Variants in RALYL observed in about 807,000 individuals in gnomAD.
The protein encoded by RALYL is RALY RNA binding protein like, also known as RNA-binding Raly-like protein.
In RALYL, 29 loss-of-function variants were observed where a neutral mutation model predicts 35.1. That is an observed-to-expected ratio of 0.83 (90% CI 0.61 to 1.13). The LOEUF is 1.13. RALYL is among the 50% of genes most tolerant of loss of function. The pLI is 0.00. For missense variants in RALYL, 359 were observed against 360.4 expected (o/e 1.00, Z 0.03); for synonymous variants, 120 against 127.6 (o/e 0.94, Z 0.40).
intron 8 of RALYL, among the ~76,000 whole-genome samples, chr8:84,906,587 T>C (rs2135622671): frequency 6.6e-6 from 1 of 152,230 alleles, no homozygotes; most frequent in East Asian, 1.9e-4. Flanking sequence ...CCCCAACTTT[T>C]TTCATACCTC....
intron 2 of RALYL, among the ~76,000 whole-genome samples, chr8:84,600,112 A>G (rs906522068): frequency 5.3e-5 from 8 of 151,944 alleles, no homozygotes; most frequent in African/African-American, 1.9e-4. Context: ...GACTTATTTC[A>G]TCCCAAAACT....
At chr8:84,893,519 G>A (rs944452347) in intron 8 of RALYL, among the ~76,000 whole-genome samples, 1 of 152,136 alleles carries the variant, frequency 6.6e-6, no homozygotes, top group African/African-American at 2.4e-5. Flanking sequence ...AAAAGCAAAT[G>A]AGCTCTCCTC....
rs551198397 is a variant in RALYL, at chr8:84,842,094, A to C, written c.366-7886A>C. ...AGAGCAAACACATTCAAAAGCTAGC[A>C]AAAGGCAAGAAATAACTAAGATCAG... On this transcript the variant is annotated intron_variant, in intron 4 of 8. Transcript: ENST00000521268. Among the ~76,000 whole-genome samples the C allele has an allele frequency of 3.5e-3, 533 of 152,348 alleles. 6 individuals are homozygous for C. Among genetic ancestry groups the C allele is most frequent in the African/African-American group, 0.012 (515 of 41,586 alleles).
intron 2 of RALYL, among the ~76,000 whole-genome samples, chr8:84,689,588 T>C (rs924307553): frequency 2.0e-5 from 3 of 152,136 alleles, no homozygotes; most frequent in Non-Finnish European, 4.4e-5. Context: ...TTTGGGTATA[T>C]ACCCAGTAAT....
intron 2 of RALYL, among the ~76,000 whole-genome samples, chr8:84,681,850 G>A (rs1032652924): frequency 2.0e-5 from 3 of 152,122 alleles, no homozygotes; most frequent in African/African-American, 4.8e-5. Flanking sequence ...CCGCCTGATT[G>A]CCCTGGCCAG....
At chr8:84,426,908 T>C (rs1425289241) in intron 1 of RALYL, among the ~76,000 whole-genome samples, 1 of 151,988 alleles carries the variant, frequency 6.6e-6, no homozygotes, top group Non-Finnish European at 1.5e-5. Flanking sequence ...GGTTTCTAAA[T>C]AAATTAAAAA....
chr8:84,529,223 A>AATT, intron 1 of RALYL, 76 bp from the exon 2 acceptor site: 1 of 1,467,500 alleles, frequency 6.8e-7, no homozygotes, highest in Non-Finnish European at 9.1e-7. Flanking sequence ...AAACTGTTAA[A>AATT]AAGCCACTGA....
At chr8:84,792,877 C>T (rs868077124) in intron 3 of RALYL, among the ~76,000 whole-genome samples, 23 of 152,204 alleles carry the variant, frequency 1.5e-4, no homozygotes, top group African/African-American at 5.3e-4. Flanking sequence ...TCTGCCACAT[C>T]ACATTCTTTG....
In RALYL at chr8:84,816,032, CAAAAAAAAAAAAA is replaced by C. The variant is rs5892931; in HGVS notation, c.365+11238_365+11250del. Among the ~76,000 whole-genome samples the C allele has an allele frequency of 7.1e-5, 6 of 84,198 alleles. No homozygotes were observed. In the East Asian group the frequency reaches 1.7e-3, roughly 24 times the overall value. The allele number at this position is 84,198 out of a possible 152,430, so 55.2% of individuals were successfully genotyped here. On this transcript the variant is annotated intron_variant, in intron 4 of 8. Transcript: ENST00000521268. The stretch of plus-strand genomic sequence containing the variant: ...CTGGCAACAGAGAGAGACTCTGTCT[CAAAAAAAAAAAAA>C]AAAAAAAGAAAAAAAGAAAAGAAAG...
At chr8:84,428,106 T>TCTCTCTCA (rs1182382963) in intron 1 of RALYL, among the ~76,000 whole-genome samples, 137 of 127,334 alleles carry the variant, frequency 1.1e-3, no homozygotes, top group Non-Finnish European at 2.0e-3. Context: ...TCTCTCTCTC[T>TCTCTCTCA]CACACACACA....
At chr8:84,613,726 A>G (rs1400784414) in intron 2 of RALYL, among the ~76,000 whole-genome samples, 2 of 151,452 alleles carry the variant, frequency 1.3e-5, no homozygotes, top group Non-Finnish European at 2.9e-5. Flanking sequence ...AAAAATTGTA[A>G]TGCCCAACAA....
chr8:84,291,057 A>C (rs953432419), intron 1 of RALYL, among the ~76,000 whole-genome samples: 29 of 152,212 alleles, frequency 1.9e-4, no homozygotes, highest in South Asian at 6.2e-4. Context: ...ATACTGTTGA[A>C]ATACTGAAAT....
intron 1 of RALYL, among the ~76,000 whole-genome samples, chr8:84,238,970 C>T (rs1161374612): frequency 6.6e-6 from 1 of 152,114 alleles, no homozygotes; most frequent in African/African-American, 2.4e-5. Flanking sequence ...CTACTGTGGA[C>T]CATGGGGCTT....
chr8:84,442,556 G>A (rs991613545), intron 1 of RALYL, among the ~76,000 whole-genome samples: 1 of 152,066 alleles, frequency 6.6e-6, no homozygotes, highest in Non-Finnish European at 1.5e-5. Context: ...TCAAAGATGG[G>A]ATAGTTTCCA....
chr8:84,910,914 A>G (rs886613481), intron 8 of RALYL, among the ~76,000 whole-genome samples: 1 of 152,042 alleles, frequency 6.6e-6, no homozygotes, highest in Non-Finnish European at 1.5e-5. Flanking sequence ...AATGATTTCA[A>G]AATTTAAGAT....
intron 2 of RALYL, among the ~76,000 whole-genome samples, chr8:84,687,181 C>T (rs933323550): frequency 3.3e-5 from 5 of 152,028 alleles, no homozygotes; most frequent in Non-Finnish European, 7.4e-5. Flanking sequence ...TATTCTATTT[C>T]AAATTAACAA....
chr8:84,444,546 A>G (rs2048669068), intron 1 of RALYL, among the ~76,000 whole-genome samples: 1 of 152,072 alleles, frequency 6.6e-6, no homozygotes, highest in Non-Finnish European at 1.5e-5. Context: ...TATGCACGCT[A>G]GATACATCAT....
At chr8:84,330,913 A>G (rs1846687338) in intron 1 of RALYL, among the ~76,000 whole-genome samples, 1 of 152,074 alleles carries the variant, frequency 6.6e-6, no homozygotes, top group African/African-American at 2.4e-5. Context: ...CATTATGTTC[A>G]TTTGCACACA....
At chr8:84,377,405 T>C (rs1278209928) in intron 1 of RALYL, among the ~76,000 whole-genome samples, 2 of 150,740 alleles carry the variant, frequency 1.3e-5, no homozygotes, top group African/African-American at 4.9e-5. Flanking sequence ...TATATTCTTT[T>C]GGTAACAGCC....
Sources: gnomAD v4.1 joint callset for allele counts (sites outside exome capture counted in the v4.1 genomes callset) on GRCh38, gnomAD v4.1.1 for gene constraint, MANE v1.5 for transcripts, NCBI Gene and HGNC (gene_info 2026-07-23, HGNC 2026-07-21) for gene names.